TTN: variants seen among roughly 807,000 people sequenced by gnomAD.
The protein encoded by TTN is titin, also known as connectin.
Under a neutral mutation model 3,223.0 loss-of-function variants are expected in TTN, and 1,525 were observed. That is an observed-to-expected ratio of 0.47 (90% CI 0.45 to 0.49). The LOEUF (loss-of-function observed/expected upper bound fraction) is 0.49. Ranked by LOEUF, TTN falls within the 20% of genes least tolerant of loss-of-function variation. TTN has a pLI of 0.00. For missense variants in TTN, 40,786 were observed against 43,424.0 expected, an observed-to-expected ratio of 0.94 and a Z score of 5.40; for synonymous variants, 14,094 against 15,161.0, an observed-to-expected ratio of 0.93 and a Z score of 5.17.
Position 178,609,567 on chromosome 2 carries a change from G to A in TTN, c.51743C>T (p.Ala17248Val). 6.3e-7 allele frequency: 1 copy of A among 1,598,772 alleles called. No homozygotes were observed. Among genetic ancestry groups the A allele is most frequent in the South Asian group, 1.1e-5 (1 of 88,464 alleles). Residue 17248 changes from alanine to valine, a missense_variant, in exon 273 of 363, where the codon GCC becomes GTC. Transcript: ENST00000589042. ...PPTKAVDPID[A>V]PKVILRTSLE... The stretch of plus-strand genomic sequence containing the variant: ...GCTTGTTCTCAGAATGACTTTGGGG[G>A]CATCTATAGTGATCATAACCAATAA...
At chr2:178,609,014 C>CATCT in intron 273 of TTN, 106 bp from the exon 274 acceptor site, 2 of 1,423,858 alleles carry the variant, frequency 1.4e-6, no homozygotes, top group African/African-American at 1.4e-5. Flanking sequence ...GGTTTTCCCA[C>CATCT]ATCTATCTTT....
rs754731686 is a variant in TTN, at chr2:178,534,377, CTCTT to C, written c.102234_102237del (p.Arg34079SerfsTer9). The C allele has an allele frequency of 6.2e-7, 1 of 1,610,744 alleles. No individual in the cohort carries two copies. Among genetic ancestry groups the C allele is most frequent in the Admixed American group, 1.7e-5 (1 of 60,022 alleles). On this transcript the variant is annotated frameshift_variant, in exon 358 of 363. Coordinates refer to ENST00000589042, the MANE Select transcript of TTN (RefSeq NM_001267550.2). LOFTEE classifies it high-confidence loss of function. Reference sequence around the variant, plus strand: ...AATGTTCTGATAACTTTAGTACTGACTCTTTCTATCTTCTGCTTCAACCATGGGT... The same window carrying C: ...AATGTTCTGATAACTTTAGTACTGACTCTATCTTCTGCTTCAACCATGGGT...
At position 178,722,796 on chromosome 2, in the gene TTN, T is replaced by G. The variant is rs1420368632; in HGVS notation, c.22103A>C (p.Glu7368Ala). The change falls in exon 76 of 363, where the codon GAA becomes GCA. Residue 7368 changes from glutamate (E) to alanine (A), a missense_variant. Glu to Ala is a moderately radical substitution (Grantham distance 107). Coordinates refer to ENST00000589042, the MANE Select transcript of TTN (RefSeq NM_001267550.2). ...KGDTKLRPTPEYRTYFTNNVA... is the reference protein window; with the variant it reads ...KGDTKLRPTPAYRTYFTNNVA... ...ATTGTTTGTAAAGTAGGTCCTGTATTCAGGAGTTGGCCGTAATTTGGTATC... is the reference window on the plus strand; with the variant it reads ...ATTGTTTGTAAAGTAGGTCCTGTATGCAGGAGTTGGCCGTAATTTGGTATC... 14 of 1,613,238 alleles carry G rather than the reference T, an allele frequency of 8.7e-6. No homozygotes were observed. The highest frequency in any genetic ancestry group is 1.2e-5 in the Non-Finnish European group (14 of 1,179,572).
Position 178,794,427 on chromosome 2 carries a change from G to C in TTN, c.1370C>G (p.Ala457Gly). 2 of 1,614,178 alleles carry C rather than the reference G, an allele frequency of 1.2e-6. No homozygotes were observed. Among genetic ancestry groups the C allele is most frequent in the Non-Finnish European group, 1.7e-6 (2 of 1,180,006 alleles). The change falls in exon 8 of 363, where the codon GCT (alanine) becomes GGT (glycine). Residue 457 changes from alanine to glycine, a missense_variant. Physicochemically the swap from Ala to Gly is moderately conservative, Grantham distance 60. Coordinates refer to ENST00000589042, the MANE Select transcript of TTN (RefSeq NM_001267550.2). ...EQTAQRTTTT[A>G]VHIQPAQEQV... Reference sequence around the variant, plus strand: ...TTCTTGAGCAGGTTGGATGTGCACAGCAGTCGTGGTTGTCCTCTGAGCAGT... The same window carrying C: ...TTCTTGAGCAGGTTGGATGTGCACACCAGTCGTGGTTGTCCTCTGAGCAGT...
rs1444280524 is a variant in TTN at position 178,719,605 on chromosome 2, C to T, written c.23887G>A (p.Val7963Met). Reference protein sequence around the residue: ...MSDKGLYSFEVKNSVGKSNCT... With the variant: ...MSDKGLYSFEMKNSVGKSNCT... ...TTACTTTTGCCAACACTGTTTTTCACTTCAAAGCTATATAATCCTTTGTCA... is the reference window on the plus strand; with the variant it reads ...TTACTTTTGCCAACACTGTTTTTCATTTCAAAGCTATATAATCCTTTGTCA... The change falls in exon 82 of 363, where the codon GTG (valine) becomes ATG (methionine). Residue 7963 changes from valine (V) to methionine (M), a missense_variant. Val to Met is a conservative substitution (Grantham distance 21). Coordinates refer to ENST00000589042, the MANE Select transcript of TTN (RefSeq NM_001267550.2). The T allele has an allele frequency of 1.2e-6, 2 of 1,613,232 alleles. No individual in the cohort carries two copies. Among genetic ancestry groups the T allele is most frequent in the East Asian group, 2.2e-5 (1 of 44,860 alleles).
chr2:178,722,576 T>G (rs779845437), intron 76 of TTN, 30 bp from the exon 77 acceptor site: 10 of 1,594,508 alleles, frequency 6.3e-6, no homozygotes, highest in Admixed American at 1.7e-5. Flanking sequence ...ACTTAAGGTG[T>G]TAGGAGATGA....
At position 178,729,961 on chromosome 2, in the gene TTN, G is replaced by T. The variant is rs2080100319; in HGVS notation, c.18308-16C>A. 1.2e-6 allele frequency: 2 copies of T among 1,605,714 alleles called. No homozygotes were observed. The highest frequency in any genetic ancestry group is 1.7e-6 in the Non-Finnish European group (2 of 1,176,868). On this transcript the variant is annotated splice_polypyrimidine_tract_variant and intron_variant, in intron 62 of 362. Transcript: ENST00000589042. ...TGAGGAGGTTCTAAAGATGGAAAAA[G>T]AATTGTGATGTTGAATATTTTTAAA...
chr2:178,607,752 T>C, intron 276 of TTN, 33 bp downstream of exon 276: 1 of 1,611,940 alleles, frequency 6.2e-7, no homozygotes. Flanking sequence ...ATAGAGAAAA[T>C]ATCCATAATT....
chr2:178,751,851 C>G (rs1303520300), intron 47 of TTN: 24 of 1,610,938 alleles, frequency 1.5e-5, no homozygotes, highest in Non-Finnish European at 2.0e-5. Flanking sequence ...GGTTCACCCT[C>G]TAAAACATAT....
At position 178,548,169 on chromosome 2, in the gene TTN, T is replaced by G; in HGVS notation, c.93457A>C (p.Arg31153=). The G allele has an allele frequency of 6.2e-7, 1 of 1,613,868 alleles. No homozygotes were observed. Residue 31153 remains arginine (R), a synonymous_variant, in exon 339 of 363, where the codon AGA becomes CGA. Coordinates refer to ENST00000589042, the MANE Select transcript of TTN (RefSeq NM_001267550.2). The surrounding 1 kb of genome is among the most constrained non-coding windows in gnomAD (Gnocchi z 4.3). ...SRITGYLLEM[R]QKGSDFWVEA... Reference sequence around the variant, plus strand: ...ACCCAGAAGTCAGATCCCTTTTGTCTCATTTCAAGCAGGTAGCCAGTGATC... The same window carrying G: ...ACCCAGAAGTCAGATCCCTTTTGTCGCATTTCAAGCAGGTAGCCAGTGATC...
intron 231 of TTN, 47 bp downstream of exon 231, chr2:178,633,770 C>G: frequency 4.4e-6 from 7 of 1,607,980 alleles, no homozygotes; most frequent in African/African-American, 1.3e-5. Context: ...ACTCCCCACT[C>G]CCATGATTCA....
rs2068474957 is a variant in TTN, at chr2:178,677,932, A to G, written c.33995-15T>C. 1 of 1,581,348 alleles carries G rather than the reference A, an allele frequency of 6.3e-7. No individual in the cohort carries two copies. The highest frequency in any genetic ancestry group is 1.2e-5 in the South Asian group (1 of 84,508). ...TTTCTTTGGCACTTTAAAGATATTTATTCAAGGGTACAAACATCACTTTTA... is the reference window on the plus strand; with the variant it reads ...TTTCTTTGGCACTTTAAAGATATTTGTTCAAGGGTACAAACATCACTTTTA... On this transcript the variant is annotated splice_polypyrimidine_tract_variant and intron_variant, in intron 145 of 362. Transcript: ENST00000589042.
At position 178,569,895 on chromosome 2, in the gene TTN, T is replaced by C; in HGVS notation, c.76237A>G (p.Lys25413Glu). 6.2e-7 allele frequency: 1 copy of C among 1,613,410 alleles called. No individual in the cohort carries two copies. The highest frequency in any genetic ancestry group is 8.5e-7 in the Non-Finnish European group (1 of 1,179,584). The change falls in exon 326 of 363, where the codon AAA (lysine) becomes GAA (glutamate). Residue 25413 changes from lysine (K) to glutamate (E), a missense_variant. By Grantham distance (56) the Lys-to-Glu change is moderately conservative. Coordinates refer to ENST00000589042, the MANE Select transcript of TTN (RefSeq NM_001267550.2). ...GAAGATCTGGTTATGTCTATGACTT[T>C]GGGGTTGTTTGGGGGTCCTGGTTTA... ...IYKPGPPNNPKVIDITRSSVF... is the reference protein window; with the variant it reads ...IYKPGPPNNPEVIDITRSSVF...
At position 178,565,588 on chromosome 2, in the gene TTN, T is replaced by C; in HGVS notation, c.80544A>G (p.Glu26848=). The change falls in exon 326 of 363, where the codon GAA becomes GAG. Residue 26848 remains glutamate, a synonymous_variant. Coordinates refer to ENST00000589042, the MANE Select transcript of TTN (RefSeq NM_001267550.2). ...AVVTGLSSGQ[E]YQFRVKAYNE... ...TATAAGCCTTGACACGGAACTGATA[T>C]TCTTGTCCAGAACTCAAACCAGTAA... 6.2e-7 allele frequency: 1 copy of C among 1,613,652 alleles called. No homozygotes were observed. Among genetic ancestry groups the C allele is most frequent in the African/African-American group, 1.3e-5 (1 of 75,034 alleles).
intron 4 of TTN, 123 bp downstream of exon 4, chr2:178,800,272 C>A: frequency 7.4e-7 from 1 of 1,356,166 alleles, no homozygotes. Context: ...GAAAAGCCAG[C>A]TTTTATATCA....
rs1308850389 is a variant in TTN at position 178,679,698 on chromosome 2, T to C, written c.33581-16A>G. The C allele has an allele frequency of 6.3e-7, 1 of 1,594,980 alleles. No homozygotes were observed. Among genetic ancestry groups the C allele is most frequent in the Non-Finnish European group, 8.5e-7 (1 of 1,173,356 alleles). On this transcript the variant is annotated splice_polypyrimidine_tract_variant and intron_variant, in intron 140 of 362. Transcript: ENST00000589042. Reference sequence around the variant, plus strand: ...ACCTCAGGCACTTTAAAGATATTATTAAGAATGTTGGAAATTTTGCAGGAA... The same window carrying C: ...ACCTCAGGCACTTTAAAGATATTATCAAGAATGTTGGAAATTTTGCAGGAA...
Position 178,611,808 on chromosome 2 carries a change from A to G in TTN, c.50501T>C (p.Val16834Ala). 1 of 1,612,710 alleles carries G rather than the reference A, an allele frequency of 6.2e-7. No individual in the cohort carries two copies. The highest frequency in any genetic ancestry group is 8.5e-7 in the Non-Finnish European group (1 of 1,179,230). ...TTCTGTGGGTTCACTTGGGTGGCCA[A>G]CTCCAGCTTCATTTTCAGCCCGAAC... ...FQVRAENEAG[V>A]GHPSEPTEIL... The change falls in exon 268 of 363, where the codon GTT becomes GCT. Residue 16834 changes from valine (V) to alanine (A), a missense_variant. Val to Ala is a moderately conservative substitution (Grantham distance 64). Coordinates refer to ENST00000589042, the MANE Select transcript of TTN (RefSeq NM_001267550.2).
intron 107 of TTN, 53 bp downstream of exon 107, chr2:178,702,401 A>T: frequency 1.2e-6 from 2 of 1,610,650 alleles, no homozygotes; most frequent in South Asian, 2.2e-5. Flanking sequence ...GAAATACAGA[A>T]AACAGACGAG....
In TTN at chr2:178,535,406, G is replaced by A. The variant is rs1690979679; in HGVS notation, c.101209C>T (p.Leu33737Phe). Residue 33737 changes from leucine to phenylalanine, a missense_variant, in exon 358 of 363, where the codon CTC (leucine) becomes TTC (phenylalanine). Leu to Phe is a conservative substitution (Grantham distance 22). Coordinates refer to ENST00000589042, the MANE Select transcript of TTN (RefSeq NM_001267550.2). ...GTTTCTCGGGCCTGTCCTACACGGA[G>A]CCATCTTTCTGCAGTAGTTGCACAT... is the stretch of plus-strand genomic sequence containing the variant. ...EKCATTAERW[L>F]RVGQARETRY... 6.2e-7 allele frequency: 1 copy of A among 1,613,854 alleles called. No individual in the cohort carries two copies. Among genetic ancestry groups the A allele is most frequent in the Non-Finnish European group, 8.5e-7 (1 of 1,179,826 alleles).
Sources: allele counts gnomAD v4.1 joint callset, GRCh38; gene constraint gnomAD v4.1.1; non-coding constraint Gnocchi (gnomAD v3.1); transcripts MANE v1.5; gene names NCBI Gene and HGNC (gene_info 2026-07-23, HGNC 2026-07-21).